The following KCNH7 variants were observed in gnomAD, a reference collection of about 807,000 sequenced individuals.
The protein encoded by KCNH7 is potassium voltage-gated channel subfamily H member 7, also known as voltage-gated inwardly rectifying potassium channel KCNH7.
In KCNH7, 49 loss-of-function variants were observed where a neutral mutation model predicts 120.8. That is an observed-to-expected ratio of 0.41 (90% confidence interval 0.32 to 0.51). KCNH7 has a LOEUF of 0.51. KCNH7 is among the 20% of genes least tolerant of loss of function. KCNH7 has a pLI of 0.38. For synonymous variants in KCNH7, 547 were observed against 516.1 expected (o/e 1.06, Z -0.81); for missense variants, 1,097 against 1,446.6 (o/e 0.76, Z 3.92).
intron 2 of KCNH7, among the ~76,000 whole-genome samples, chr2:162,763,757 GTGTGTGTGTGTGTGT>G (rs1162683288): frequency 8.6e-5 from 13 of 151,038 alleles, no homozygotes; most frequent in African/African-American, 2.7e-4. Context: ...GTGTGTGTGT[GTGTGTGTGTGTGTGT>G]TTTGCTTTTG....
chr2:162,469,917 C>T (rs909276275), intron 6 of KCNH7, among the ~76,000 whole-genome samples: 5 of 152,328 alleles, frequency 3.3e-5, no homozygotes, highest in South Asian at 2.1e-4. Flanking sequence ...CTGTCTTGGC[C>T]GGGCTGGTCT....
At position 162,505,270 on chromosome 2, in the gene KCNH7, T is replaced by G. The variant is rs1419232157; in HGVS notation, c.914-613A>C. Reference sequence around the variant, plus strand: ...GCCATTTTTGTGTGAATGTGTGTACTCTATTGAAAACTCTTGGATCATATG... The same window carrying G: ...GCCATTTTTGTGTGAATGTGTGTACGCTATTGAAAACTCTTGGATCATATG... On this transcript the variant is annotated intron_variant, in intron 5 of 15. Coordinates refer to ENST00000332142, the MANE Select transcript of KCNH7 (RefSeq NM_033272.4). Among the ~76,000 whole-genome samples the G allele has an allele frequency of 3.9e-5, 6 of 152,096 alleles. No individual in the cohort carries two copies. In the East Asian group the frequency reaches 1.2e-3, roughly 30 times the overall value.
chr2:162,747,745 T>C (rs934935685), intron 2 of KCNH7, among the ~76,000 whole-genome samples: 1 of 152,196 alleles, frequency 6.6e-6, no homozygotes, highest in African/African-American at 2.4e-5. Flanking sequence ...TTATGACTTC[T>C]ATTATAGAAT....
chr2:162,717,064 G>A (rs1295591660), intron 2 of KCNH7, among the ~76,000 whole-genome samples: 2 of 151,914 alleles, frequency 1.3e-5, no homozygotes, highest in Non-Finnish European at 2.9e-5. Context: ...TTGCAGAGAG[G>A]GTTGAAAGAA....
chr2:162,566,491 G>T (rs1244925196), intron 2 of KCNH7, among the ~76,000 whole-genome samples: 1 of 151,968 alleles, frequency 6.6e-6, no homozygotes, highest in Non-Finnish European at 1.5e-5. Flanking sequence ...TAAATCAAGT[G>T]AGTTGTCTTG....
At chr2:162,523,828 C>A (rs1313999094) in intron 3 of KCNH7, among the ~76,000 whole-genome samples, 2 of 151,780 alleles carry the variant, frequency 1.3e-5, no homozygotes, top group Admixed American at 1.3e-4. Flanking sequence ...TTCTTAGAAC[C>A]TTGATTATGT....
At chr2:162,425,937 G>A (rs1227650580) in intron 8 of KCNH7, among the ~76,000 whole-genome samples, 1 of 152,100 alleles carries the variant, frequency 6.6e-6, no homozygotes, top group Non-Finnish European at 1.5e-5. Flanking sequence ...TTTATGGTCA[G>A]GCGCGGTGGC....
chr2:162,591,713 G>T (rs990453358), intron 2 of KCNH7, among the ~76,000 whole-genome samples: 2 of 152,016 alleles, frequency 1.3e-5, no homozygotes, highest in Non-Finnish European at 2.9e-5. Flanking sequence ...AAAGTCTATA[G>T]AATATTTGTT....
chr2:162,680,439 C>T (rs897798177), intron 2 of KCNH7, among the ~76,000 whole-genome samples: 1 of 151,662 alleles, frequency 6.6e-6, no homozygotes, highest in African/African-American at 2.4e-5. Context: ...AAACTCAAGT[C>T]TTTTTATGTT....
chr2:162,451,153 T>A (rs1337413109), intron 6 of KCNH7, among the ~76,000 whole-genome samples: 2 of 151,982 alleles, frequency 1.3e-5, no homozygotes, highest in Non-Finnish European at 2.9e-5. Context: ...TTTAAAAAAA[T>A]TGTGTAATGT....
intron 3 of KCNH7, among the ~76,000 whole-genome samples, chr2:162,518,724 T>G (rs1691408438): frequency 6.6e-6 from 1 of 151,656 alleles, no homozygotes; most frequent in Admixed American, 6.6e-5. Context: ...TATGAGAGGT[T>G]TATCATTCCA....
intron 9 of KCNH7, among the ~76,000 whole-genome samples, chr2:162,413,168 C>T (rs1370998777): frequency 1.3e-5 from 2 of 151,840 alleles, no homozygotes; most frequent in Admixed American, 6.6e-5. Context: ...CTGCTCTTGT[C>T]CCCCAGGGTG....
chr2:162,752,918 GAAA>G (rs1362539665), intron 2 of KCNH7, among the ~76,000 whole-genome samples: 1 of 54,842 alleles, frequency 1.8e-5, no homozygotes, highest in East Asian at 5.9e-4. Context: ...GAAAAGAAAA[GAAA>G]AGAAAAGAAA....
At chr2:162,445,312 T>A (rs1321165404) in intron 7 of KCNH7, among the ~76,000 whole-genome samples, 1 of 152,160 alleles carries the variant, frequency 6.6e-6, no homozygotes, top group East Asian at 1.9e-4. Flanking sequence ...CCCTTGGAAC[T>A]ACTTTCAAGC....
chr2:162,375,517 C>T, intron 14 of KCNH7, among the ~76,000 whole-genome samples: 1 of 152,134 alleles, frequency 6.6e-6, no homozygotes, highest in Non-Finnish European at 1.5e-5. Context: ...GTTTTATTAA[C>T]TAGTTGTTAG....
intron 7 of KCNH7, among the ~76,000 whole-genome samples, chr2:162,436,732 A>C (rs1164692922): frequency 6.6e-6 from 1 of 152,160 alleles, no homozygotes; most frequent in Non-Finnish European, 1.5e-5. Context: ...TAATGGAAGA[A>C]ATAGCACATG....
intron 2 of KCNH7, chr2:162,772,105 T>C (rs1406972876): frequency 6.6e-6 from 1 of 152,176 alleles, no homozygotes; most frequent in Non-Finnish European, 1.5e-5. Context: ...TCCAAACATT[T>C]TGTTATATAA....
intron 2 of KCNH7, among the ~76,000 whole-genome samples, chr2:162,714,946 A>G (rs1400133020): frequency 1.3e-5 from 2 of 152,218 alleles, no homozygotes; most frequent in Non-Finnish European, 2.9e-5. Flanking sequence ...GCTATAGGTT[A>G]GTAAAAACAG....
chr2:162,509,102 A>C (rs1690979374), intron 5 of KCNH7, among the ~76,000 whole-genome samples: 1 of 151,484 alleles, frequency 6.6e-6, no homozygotes, highest in Non-Finnish European at 1.5e-5. Context: ...GATTAAACAT[A>C]AAGTAGGCCA....
Sources: gnomAD v4.1 joint callset for allele counts (sites outside exome capture counted in the v4.1 genomes callset) on GRCh38, gnomAD v4.1.1 for gene constraint, MANE v1.5 for transcripts, NCBI Gene and HGNC (gene_info 2026-07-23, HGNC 2026-07-21) for gene names.